SSBP1: variants seen among roughly 807,000 people sequenced by gnomAD.
SSBP1 encodes the protein single-stranded DNA-binding protein, mitochondrial.
SSBP1 carries 20 observed loss-of-function variants against 27.0 expected under a neutral mutation model. The observed-to-expected ratio is 0.74, with a 90% CI of 0.52 to 1.08. The LOEUF is 1.08. SSBP1 is among the 50% of genes least tolerant of loss of function. The pLI, the probability that SSBP1 is intolerant of heterozygous loss-of-function variation, is 0.00. For missense variants in SSBP1, 137 were observed against 182.4 expected (o/e 0.75, Z 1.44); for synonymous variants, 59 against 59.3 (o/e 1.00, Z 0.02).
intron 2 of SSBP1, chr7:141,740,875 T>G (rs1378508606): frequency 2.0e-5 from 3 of 152,226 alleles, no homozygotes; most frequent in Non-Finnish European, 4.4e-5. Flanking sequence ...TTTTGCTTAT[T>G]TTAAAATGAA....
intron 2 of SSBP1, chr7:141,741,796 C>A (rs969272837): frequency 2.0e-6 from 2 of 1,008,464 alleles, no homozygotes; most frequent in Non-Finnish European, 2.4e-6. Flanking sequence ...CTCTTAGGTA[C>A]AGGTTGGATT....
intron 3 of SSBP1, among the ~76,000 whole-genome samples, chr7:141,743,107 C>A (rs535791151): frequency 1.3e-5 from 2 of 152,344 alleles, no homozygotes; most frequent in South Asian, 2.1e-4. Flanking sequence ...CCCGCCTTGG[C>A]CTCCCAAAGT....
chr7:141,742,884 T>C (rs1231875252), intron 3 of SSBP1, among the ~76,000 whole-genome samples: 1 of 152,198 alleles, frequency 6.6e-6, no homozygotes, highest in African/African-American at 2.4e-5. Flanking sequence ...AGACTGAGTC[T>C]TGCTCTGTCG....
Position 141,743,947 on chromosome 7 carries a change from G to C in SSBP1, c.272G>C (p.Arg91Pro), listed in dbSNP as rs1328792508. The C allele has an allele frequency of 5.6e-6, 9 of 1,613,130 alleles. No homozygotes were observed. Among genetic ancestry groups the C allele is most frequent in the Non-Finnish European group, 6.8e-6 (8 of 1,179,964 alleles). Residue 91 changes from arginine (R) to proline (P), a missense_variant, in exon 5 of 7, where the codon CGG becomes CCG. Coordinates refer to ENST00000265304, the MANE Select transcript of SSBP1 (RefSeq NM_003143.3). ...ACATGGCACAGAATATCAGTATTCC[G>C]GCCAGGCCTCAGAGACGTGGCATAT... Reference protein sequence around the residue: ...KTTWHRISVFRPGLRDVAYQY... With the variant: ...KTTWHRISVFPPGLRDVAYQY...
chr7:141,743,650 C>G lies in SSBP1; in HGVS notation c.175C>G (p.Leu59Val), dbSNP rs757583499. 4 of 1,614,044 alleles carry G rather than the reference C, an allele frequency of 2.5e-6. No homozygotes were observed. The highest frequency in any genetic ancestry group is 2.2e-5 in the South Asian group (2 of 91,084). Residue 59 changes from leucine to valine, a missense_variant, in exon 4 of 7, where the codon CTA (leucine) becomes GTA (valine). Transcript: ENST00000265304. ...EGKNPVTIFS[L>V]ATNEMWRSGD... ...AAAAAATCCAGTCACAATATTTTCT[C>G]TAGCAACTAATGAGATGTGGCGATC...
rs762619942 is a variant in SSBP1 at position 141,742,169 on chromosome 7, G to A, written c.25G>A (p.Val9Ile). Residue 9 changes from valine (V) to isoleucine (I), a missense_variant and splice_region_variant, in exon 3 of 7, where the codon GTA (valine) becomes ATA (isoleucine). Coordinates refer to ENST00000265304, the MANE Select transcript of SSBP1 (RefSeq NM_003143.3). Reference protein sequence around the residue: MFRRPVLQVLRQFVRHESE... With the variant: MFRRPVLQILRQFVRHESE... Reference sequence around the variant, plus strand: ...ATGTTATTCATTTGTTCTTCTTTAGGTACTTCGTCAGTTTGTAAGACATGA... The same window carrying A: ...ATGTTATTCATTTGTTCTTCTTTAGATACTTCGTCAGTTTGTAAGACATGA... 6.5e-5 allele frequency: 103 copies of A among 1,596,674 alleles called. No homozygotes were observed. The highest frequency in any genetic ancestry group is 8.3e-5 in the Non-Finnish European group (97 of 1,166,496).
chr7:141,750,236 G>C, intron 6 of SSBP1, 75 bp from the exon 7 acceptor site: 2 of 1,062,056 alleles, frequency 1.9e-6, no homozygotes, highest in Non-Finnish European at 2.8e-6. Flanking sequence ...AAAGTTATAT[G>C]TATTAGAGGA....
At chr7:141,739,072 A>C (rs966851509) in intron 1 of SSBP1, 52 bp from the exon 2 acceptor site, 3 of 1,094,776 alleles carry the variant, frequency 2.7e-6, no homozygotes, top group African/African-American at 1.6e-5. Flanking sequence ...GGTGAGTTGT[A>C]CTTTTGCCAT....
intron 6 of SSBP1, among the ~76,000 whole-genome samples, chr7:141,747,591 T>C (rs1799831494): frequency 6.6e-6 from 1 of 151,704 alleles, no homozygotes; most frequent in East Asian, 2.0e-4. Flanking sequence ...GGTTTCACCA[T>C]ATTGGCCAGG....
chr7:141,750,216 G>A, intron 6 of SSBP1, 95 bp from the exon 7 acceptor site: 1 of 873,308 alleles, frequency 1.1e-6, no homozygotes, highest in Non-Finnish European at 1.8e-6. Flanking sequence ...TCCTTTTAAT[G>A]AACAGCACTA....
rs927853393 is a variant in SSBP1, at chr7:141,744,076, T to C, written c.314+87T>C. ...CTCATGGCAAGGAGTGTGTAGTCTCTTAAATCCCTGAGTACTACTAATGAC... is the reference window on the plus strand; with the variant it reads ...CTCATGGCAAGGAGTGTGTAGTCTCCTAAATCCCTGAGTACTACTAATGAC... On this transcript the variant is annotated intron_variant, in intron 5 of 6. Transcript: ENST00000265304. The C allele has an allele frequency of 3.3e-5, 39 of 1,179,142 alleles. No homozygotes were observed. In the South Asian group the frequency reaches 5.6e-4, roughly 17 times the overall value. The allele number at this position is 1,179,142 out of a possible 1,614,324, so 73.0% of individuals were successfully genotyped here. A position where few individuals can be genotyped will look rare whatever the true frequency, so the allele number is the denominator to read the frequency against.
chr7:141,744,320 G>T lies in SSBP1; in HGVS notation c.314+331G>T, dbSNP rs1162474956. Among the ~76,000 whole-genome samples the T allele has an allele frequency of 2.0e-5, 3 of 152,338 alleles. No homozygotes were observed. The South Asian group carries it at 6.2e-4, about 32-fold the overall frequency. ...GAGCAAGTCAAACATCTGCTTTGAG[G>T]AATTCCTGTGCCTCTGTGGCCGGGG... On this transcript the variant is annotated intron_variant, in intron 5 of 6. Coordinates refer to ENST00000265304, the MANE Select transcript of SSBP1 (RefSeq NM_003143.3).
rs558041012 is a variant in SSBP1, at chr7:141,744,271, G to A, written c.314+282G>A. 2.6e-5 allele frequency among the ~76,000 whole-genome samples: 4 copies of A among 152,342 alleles called. No individual in the cohort carries two copies. In the South Asian group the frequency reaches 8.3e-4, roughly 32 times the overall value. On this transcript the variant is annotated intron_variant, in intron 5 of 6. Transcript: ENST00000265304. ...TAGAAATAGATGAGGCAGGAGAGAA[G>A]GCAAAGTGTATCAAGTGGCATTTGA...
intron 6 of SSBP1, 21 bp downstream of exon 6, chr7:141,745,605 G>T: frequency 6.2e-7 from 1 of 1,612,452 alleles, no homozygotes; most frequent in Non-Finnish European, 8.5e-7. Flanking sequence ...TGTGAAAATA[G>T]CTGTTTTTTT....
intron 3 of SSBP1, among the ~76,000 whole-genome samples, chr7:141,742,992 C>A (rs1238200353): frequency 2.6e-5 from 4 of 152,158 alleles, no homozygotes; most frequent in Admixed American, 6.5e-5. Context: ...GTAGCTGGGA[C>A]TACAGGCGCC....
intron 6 of SSBP1, among the ~76,000 whole-genome samples, chr7:141,748,812 C>T (rs1221706151): frequency 2.0e-5 from 3 of 151,706 alleles, no homozygotes; most frequent in African/African-American, 7.3e-5. Context: ...TTTTTTTCTC[C>T]TAGGGATCCT....
At chr7:141,742,346 A>T (rs1296950061) in intron 3 of SSBP1, 117 bp downstream of exon 3, 1 of 709,670 alleles carries the variant, frequency 1.4e-6, no homozygotes, top group Non-Finnish European at 2.5e-6. Flanking sequence ...CTTTTAGCTC[A>T]TGTTTGCTCT....
Position 141,747,416 on chromosome 7 carries a change from G to A in SSBP1, c.403+1832G>A, listed in dbSNP as rs568849514. 1.7e-3 allele frequency among the ~76,000 whole-genome samples: 213 copies of A among 124,354 alleles called. 1 individual carries two copies. The highest frequency in any genetic ancestry group is 8.4e-4 in the Non-Finnish European group (53 of 63,124). The allele number at this position is 124,354 out of a possible 152,430, so 81.6% of individuals were successfully genotyped here. Reference sequence around the variant, plus strand: ...TTTTTTTTTTTTTTTTTGAGACAGCGTCTCACTCTGTTGCCCCGGCTAGAG... The same window carrying A: ...TTTTTTTTTTTTTTTTTGAGACAGCATCTCACTCTGTTGCCCCGGCTAGAG... On this transcript the variant is annotated intron_variant, in intron 6 of 6. Coordinates refer to ENST00000265304, the MANE Select transcript of SSBP1 (RefSeq NM_003143.3).
chr7:141,745,900 C>T, intron 6 of SSBP1: 3 of 1,065,820 alleles, frequency 2.8e-6, no homozygotes, highest in Non-Finnish European at 3.4e-6. Flanking sequence ...TTGGAAGGAT[C>T]TAGCCCTAAC....
Sources: gnomAD v4.1 joint callset for allele counts (sites outside exome capture counted in the v4.1 genomes callset) on GRCh38, gnomAD v4.1.1 for gene constraint, MANE v1.5 for transcripts, NCBI Gene and HGNC (gene_info 2026-07-23, HGNC 2026-07-21) for gene names.